The following GPR141 variants were observed in gnomAD, a reference collection of about 807,000 sequenced individuals.
GPR141 encodes the protein G protein-coupled receptor 141, also known as probable G protein-coupled receptor 141.
A neutral mutation model predicts 6.8 loss-of-function variants in GPR141; 6 were observed. That is an observed-to-expected ratio of 0.88 (90% CI 0.48 to 1.74). The LOEUF (loss-of-function observed/expected upper bound fraction) is 1.74, where lower values mean the gene tolerates loss of function less well. Ranked by LOEUF, GPR141 falls within the 40% of genes most tolerant of loss-of-function variation. The probability of loss-of-function intolerance (pLI) is 0.01; values close to 1 mark genes in which losing one functional copy is unlikely to be tolerated. For synonymous variants in GPR141, 140 were observed against 142.3 expected (o/e 0.98, Z 0.11); for missense variants, 372 against 372.9 (o/e 1.00, Z 0.02).
chr7:37,733,682 A>AAAAAAAG (rs1257881645), intron 2 of GPR141, among the ~76,000 whole-genome samples: 1 of 151,372 alleles, frequency 6.6e-6, no homozygotes, highest in Non-Finnish European at 1.5e-5. Context: ...AAAAAAAAAA[A>AAAAAAAG]AAAAAAGAAA....
chr7:37,686,364 A>C (rs1415545623), intron 2 of GPR141, among the ~76,000 whole-genome samples: 1 of 152,206 alleles, frequency 6.6e-6, no homozygotes, highest in African/African-American at 2.4e-5. Flanking sequence ...TTTCTGAGAC[A>C]TTGCTTTGCA....
intron 2 of GPR141, among the ~76,000 whole-genome samples, chr7:37,702,823 A>AAATG (rs1562771453): frequency 7.2e-6 from 1 of 137,986 alleles, no homozygotes; most frequent in Non-Finnish European, 1.6e-5. Flanking sequence ...AAAAATAAAT[A>AAATG]AAATAAAAAT....
At chr7:37,734,533 T>C (rs1812138462) in intron 2 of GPR141, among the ~76,000 whole-genome samples, 1 of 152,204 alleles carries the variant, frequency 6.6e-6, no homozygotes, top group Non-Finnish European at 1.5e-5. Context: ...CTTAGGAGCT[T>C]ACAATCTAGG....
At chr7:37,693,315 A>C (rs1264377991) in intron 2 of GPR141, among the ~76,000 whole-genome samples, 1 of 152,070 alleles carries the variant, frequency 6.6e-6, no homozygotes, top group African/African-American at 2.4e-5. Context: ...ATGATTGTAG[A>C]TATGCGGCAT....
At chr7:37,736,691 TG>T (rs1308084130) in intron 2 of GPR141, among the ~76,000 whole-genome samples, 1 of 152,134 alleles carries the variant, frequency 6.6e-6, no homozygotes, top group Non-Finnish European at 1.5e-5. Flanking sequence ...TTTTATGTCT[TG>T]CAAATATATC....
intron 2 of GPR141, among the ~76,000 whole-genome samples, chr7:37,690,319 G>T (rs938665997): frequency 4.6e-5 from 7 of 152,174 alleles, no homozygotes; most frequent in African/African-American, 1.7e-4. Flanking sequence ...CTGGTGGGAG[G>T]TGTTTGGGTC....
rs1031481256 is a variant in GPR141, at chr7:37,725,351, G to A, written c.-14-15029G>A. The stretch of plus-strand genomic sequence containing the variant: ...AAAGAAGTGAAGCCAGGGATGGAGC[G>A]GGGAGCAAGGAGGAATGAGCGGCCA... On this transcript the variant is annotated intron_variant, in intron 2 of 2. Transcript: ENST00000334425. Among the ~76,000 whole-genome samples the A allele has an allele frequency of 7.2e-5, 11 of 152,074 alleles. No individual in the cohort carries two copies. The East Asian group carries it at 1.5e-3, about 21-fold the overall frequency.
At chr7:37,706,773 T>C (rs761912030) in intron 2 of GPR141, among the ~76,000 whole-genome samples, 1 of 152,220 alleles carries the variant, frequency 6.6e-6, no homozygotes, top group Admixed American at 6.5e-5. Context: ...ATTGCCTCTC[T>C]ATATGCAAGT....
At chr7:37,688,053 CTG>C (rs1473504533) in intron 2 of GPR141, among the ~76,000 whole-genome samples, 1 of 152,160 alleles carries the variant, frequency 6.6e-6, no homozygotes, top group Non-Finnish European at 1.5e-5. Flanking sequence ...CAGATAAAAA[CTG>C]TGTTTACAAA....
rs1369778846 is a variant in GPR141, at chr7:37,720,258, GT to G, written c.-14-20120del. 2.0e-5 allele frequency among the ~76,000 whole-genome samples: 3 copies of G among 152,138 alleles called. No individual in the cohort carries two copies. In the South Asian group the frequency reaches 6.2e-4, roughly 31 times the overall value. On this transcript the variant is annotated intron_variant, in intron 2 of 2. Coordinates refer to ENST00000334425, the MANE Select transcript of GPR141 (RefSeq NM_001381946.1). ...GGCCTGCCCCAGGCACTCATCCTGGGTTCACAGGGCACAGGGCGGCAGGCAC... is the reference window on the plus strand; with the variant it reads ...GGCCTGCCCCAGGCACTCATCCTGGGTCACAGGGCACAGGGCGGCAGGCAC...
At chr7:37,700,788 A>G (rs1810246177) in intron 2 of GPR141, among the ~76,000 whole-genome samples, 1 of 152,334 alleles carries the variant, frequency 6.6e-6, no homozygotes, top group South Asian at 2.1e-4. Flanking sequence ...AAGATATCCC[A>G]ACATTATCAC....
chr7:37,686,631 A>G (rs147483469), intron 2 of GPR141, among the ~76,000 whole-genome samples: 1 of 151,822 alleles, frequency 6.6e-6, no homozygotes, highest in Non-Finnish European at 1.5e-5. Flanking sequence ...TGAATAAGTG[A>G]ATGAAATGAT....
chr7:37,726,657 A>AAATAGAAAG (rs1811643465), intron 2 of GPR141, among the ~76,000 whole-genome samples: 1 of 152,184 alleles, frequency 6.6e-6, no homozygotes, highest in African/African-American at 2.4e-5. Context: ...ATTTGATAAT[A>AAATAGAAAG]AATAGAAAGC....
chr7:37,698,228 A>G (rs1335556715), intron 2 of GPR141, among the ~76,000 whole-genome samples: 1 of 152,204 alleles, frequency 6.6e-6, no homozygotes, highest in Non-Finnish European at 1.5e-5. Flanking sequence ...AGAGAGTGAT[A>G]TCTAACTCAA....
At chr7:37,732,344 C>T (rs924047660) in intron 2 of GPR141, among the ~76,000 whole-genome samples, 3 of 151,864 alleles carry the variant, frequency 2.0e-5, no homozygotes, top group Admixed American at 6.6e-5. Flanking sequence ...TCAGAGCCCC[C>T]TCACCTTGAG....
chr7:37,743,282 C>T lies in GPR141; in HGVS notation c.*1971C>T, dbSNP rs1283144644. ...GAATAAGAAATACCTCTGTGAATTT[C>T]TGTGACCACTAAAATTACTGAGCCA... On this transcript the variant is annotated 3_prime_UTR_variant, in exon 3 of 3. Transcript: ENST00000334425. Among the ~76,000 whole-genome samples, 1 of 152,084 alleles carries T rather than the reference C, an allele frequency of 6.6e-6. No individual in the cohort carries two copies. Among genetic ancestry groups the T allele is most frequent in the Non-Finnish European group, 1.5e-5 (1 of 68,012 alleles).
chr7:37,734,820 T>G (rs1812155967), intron 2 of GPR141, among the ~76,000 whole-genome samples: 1 of 152,168 alleles, frequency 6.6e-6, no homozygotes, highest in South Asian at 2.1e-4. Flanking sequence ...GAAGAGGTGT[T>G]GGTGCTAAGG....
At chr7:37,717,073 A>G (rs777353297) in intron 2 of GPR141, among the ~76,000 whole-genome samples, 1 of 152,212 alleles carries the variant, frequency 6.6e-6, no homozygotes, top group Non-Finnish European at 1.5e-5. Context: ...ATCAAAAGAG[A>G]ATCAAGCCAT....
At chr7:37,685,611 A>C (rs1242513628) in intron 2 of GPR141, 28 bp downstream of exon 2, 1 of 151,198 alleles carries the variant, frequency 6.6e-6, no homozygotes. Context: ...TGGCTAATTA[A>C]TTAATTTTTT....
Sources: allele counts gnomAD v4.1 joint callset (sites outside exome capture counted in the v4.1 genomes callset), GRCh38; gene constraint gnomAD v4.1.1; transcripts MANE v1.5; gene names NCBI Gene and HGNC (gene_info 2026-07-23, HGNC 2026-07-21).